KIFC3: variants seen among roughly 807,000 people sequenced by gnomAD.
KIFC3 encodes kinesin family member C3, also known as kinesin-like protein KIFC3.
Under a neutral mutation model 101.8 loss-of-function variants are expected in KIFC3, and 60 were observed. The observed-to-expected ratio is 0.59, with a 90% CI of 0.48 to 0.73. KIFC3 has a LOEUF of 0.73. KIFC3 is among the 30% of genes least tolerant of loss of function. The probability of loss-of-function intolerance (pLI) is 0.00; values close to 1 mark genes in which losing one functional copy is unlikely to be tolerated. For missense variants in KIFC3, 966 were observed against 1,137.1 expected (o/e 0.85, Z 2.16); for synonymous variants, 476 against 482.7 (o/e 0.99, Z 0.18).
chr16:57,781,867 A>C, intron 3 of KIFC3: 1 of 929,038 alleles, frequency 1.1e-6, no homozygotes. Context: ...TAAGTGGTGG[A>C]CCTAGGACCG....
chr16:57,815,513 G>A (rs2055199344), intron 1 of KIFC3: 2 of 1,276,190 alleles, frequency 1.6e-6, no homozygotes, highest in Non-Finnish European at 2.0e-6. Flanking sequence ...GACCACATCA[G>A]CACCTGGCCT....
rs150165288 is a variant in KIFC3, at chr16:57,811,110, A to G, written c.109-12828T>C. 6.6e-3 allele frequency among the ~76,000 whole-genome samples: 1,010 copies of G among 152,306 alleles called. 10 individuals are homozygous for G. Among genetic ancestry groups the G allele is most frequent in the South Asian group, 0.032 (154 of 4,820 alleles). On this transcript the variant is annotated intron_variant, in intron 1 of 2. Coordinates refer to the KIFC3 transcript ENST00000563028. ...GAAAGCCTGATCCAAGGGCAGGAGCATCCCACCTCAGTACCTGGGGTTGGC... is the reference window on the plus strand; with the variant it reads ...GAAAGCCTGATCCAAGGGCAGGAGCGTCCCACCTCAGTACCTGGGGTTGGC...
At chr16:57,857,802 TTTTC>T (rs1180874830) in intron 1 of KIFC3, among the ~76,000 whole-genome samples, 12 of 96,404 alleles carry the variant, frequency 1.2e-4, no homozygotes, top group Admixed American at 5.2e-4. Context: ...TTTTTATTTC[TTTTC>T]TTTCTTTCTT....
At chr16:57,785,540 T>A (rs1555617231) in intron 3 of KIFC3, 19 of 1,288,584 alleles carry the variant, frequency 1.5e-5, no homozygotes, top group Non-Finnish European at 1.9e-5. Context: ...GACCACCAGC[T>A]CCTCCTGTAG....
At chr16:57,835,898 T>C (rs1555480267) in intron 1 of KIFC3, among the ~76,000 whole-genome samples, 1 of 152,160 alleles carries the variant, frequency 6.6e-6, no homozygotes, top group African/African-American at 2.4e-5. Context: ...TGCAGTAAGC[T>C]GAGATTGTGC....
At chr16:57,788,187 G>A (rs976467118) in intron 3 of KIFC3, among the ~76,000 whole-genome samples, 22 of 152,192 alleles carry the variant, frequency 1.4e-4, no homozygotes, top group Admixed American at 3.3e-4. Flanking sequence ...GGGGGCCCAC[G>A]GATAGGAGGG....
At chr16:57,858,471 G>T (rs1363057715) in intron 1 of KIFC3, among the ~76,000 whole-genome samples, 2 of 152,054 alleles carry the variant, frequency 1.3e-5, no homozygotes, top group Non-Finnish European at 2.9e-5. Flanking sequence ...TAAGGTCCGT[G>T]AACCATTTAT....
At chr16:57,850,224 G>A (rs993645784) in intron 1 of KIFC3, among the ~76,000 whole-genome samples, 6 of 151,700 alleles carry the variant, frequency 4.0e-5, no homozygotes, top group Admixed American at 6.6e-5. Flanking sequence ...GCAACATAGC[G>A]AGACCCTGTC....
Position 57,758,763 on chromosome 16 carries a change from T to C in KIFC3, c.*171A>G. The C allele has an allele frequency of 9.4e-7, 1 of 1,059,410 alleles. No homozygotes were observed. Among genetic ancestry groups the C allele is most frequent in the Non-Finnish European group, 1.5e-6 (1 of 686,486 alleles). 65.6% of individuals were successfully genotyped at this position (1,059,410 alleles called of 1,614,324 possible). A position where few individuals can be genotyped will look rare whatever the true frequency, so the allele number is the denominator to read the frequency against. Reference sequence around the variant, plus strand: ...TTTCCTTCTGAACATGTTTCTCATCTTTGAGGGGAGACGGGGCAGAAGAAG... The same window carrying C: ...TTTCCTTCTGAACATGTTTCTCATCCTTGAGGGGAGACGGGGCAGAAGAAG... On this transcript the variant is annotated 3_prime_UTR_variant, in exon 20 of 20. Coordinates refer to ENST00000445690, the MANE Select transcript of KIFC3 (RefSeq NM_001130100.2).
At chr16:57,860,205 G>A (rs2149341114) in intron 1 of KIFC3, among the ~76,000 whole-genome samples, 1 of 152,186 alleles carries the variant, frequency 6.6e-6, no homozygotes, top group South Asian at 2.1e-4. Flanking sequence ...TGTAATCCCA[G>A]CACTTCGGGA....
At chr16:57,759,311 C>T (rs544708292) in intron 18 of KIFC3, 158 bp from the exon 19 acceptor site, 13 of 827,240 alleles carry the variant, frequency 1.6e-5, no homozygotes, top group Middle Eastern at 2.3e-4. Flanking sequence ...GGTCCTGTGG[C>T]GGGGCTCACT....
chr16:57,854,623 G>A lies in KIFC3; in HGVS notation c.108+8106C>T, dbSNP rs1203742123. ...AGCCTGGGTGACAGAGCAAGACTCC[G>A]TCTCAGAAAAAAAAAAAAAAAGAAA... On this transcript the variant is annotated intron_variant, in intron 1 of 2. Coordinates refer to the KIFC3 transcript ENST00000563028. Among the ~76,000 whole-genome samples, 7 of 116,608 alleles carry A rather than the reference G, an allele frequency of 6.0e-5. No homozygotes were observed. In the South Asian group the frequency reaches 1.2e-3, roughly 20 times the overall value. The allele number at this position is 116,608 out of a possible 152,430, so 76.5% of individuals were successfully genotyped here. A position where few individuals can be genotyped will look rare whatever the true frequency, so the allele number is the denominator to read the frequency against.
chr16:57,845,764 T>C (rs1307057981), intron 1 of KIFC3, among the ~76,000 whole-genome samples: 1 of 152,206 alleles, frequency 6.6e-6, no homozygotes, highest in Non-Finnish European at 1.5e-5. Context: ...TGTTTTTTAG[T>C]CTTCGCACTT....
intron 4 of KIFC3, 106 bp from the exon 5 acceptor site, chr16:57,771,792 G>A (rs1436516478): frequency 7.4e-7 from 1 of 1,343,616 alleles, no homozygotes; most frequent in Non-Finnish European, 1.0e-6. Context: ...GAGGAGAGGT[G>A]TGGAGAAAGG....
chr16:57,843,308 A>G (rs1161113531), intron 1 of KIFC3, among the ~76,000 whole-genome samples: 1 of 152,232 alleles, frequency 6.6e-6, no homozygotes, highest in East Asian at 1.9e-4. Flanking sequence ...TGAGACAGTC[A>G]GAATATGAAC....
upstream of KIFC3, among the ~76,000 whole-genome samples, chr16:57,804,226 C>CT (rs201765198): frequency 7.9e-5 from 12 of 151,792 alleles, no homozygotes; most frequent in South Asian, 2.1e-4. Context: ...CTTTAGAAGT[C>CT]TTTTTTTTTC....
At chr16:57,805,089 C>A (rs1447546826), upstream of KIFC3, among the ~76,000 whole-genome samples, 1 of 152,024 alleles carries the variant, frequency 6.6e-6, no homozygotes, top group Admixed American at 6.6e-5. Flanking sequence ...CCTCGGCCTC[C>A]CAAAATGTTG....
intron 17 of KIFC3, 30 bp from the exon 18 acceptor site, chr16:57,759,866 G>A: frequency 1.3e-6 from 2 of 1,534,560 alleles, no homozygotes; most frequent in Non-Finnish European, 8.9e-7. Context: ...GATGGGCGGG[G>A]GCCACGGCTG....
chr16:57,799,485 G>A (rs1195212807), intron 1 of KIFC3, among the ~76,000 whole-genome samples: 1 of 152,150 alleles, frequency 6.6e-6, no homozygotes, highest in Admixed American at 6.5e-5. Context: ...GACCCACTAT[G>A]GGCCCACACA....
Sources: gnomAD v4.1 joint callset for allele counts (sites outside exome capture counted in the v4.1 genomes callset) on GRCh38, gnomAD v4.1.1 for gene constraint, MANE v1.5 for transcripts, NCBI Gene and HGNC (gene_info 2026-07-23, HGNC 2026-07-21) for gene names.